Variants in BCAS4 observed in about 807,000 individuals in gnomAD.
BCAS4 encodes the protein breast carcinoma-amplified sequence 4.
In BCAS4, 9 loss-of-function variants were observed where a neutral mutation model predicts 15.7. The observed-to-expected ratio is 0.57, with a 90% CI of 0.34 to 1.00. The LOEUF is 1.00. BCAS4 is among the 50% of genes least tolerant of loss of function. BCAS4 has a pLI of 0.02. For missense variants in BCAS4, 225 were observed against 239.1 expected, an observed-to-expected ratio of 0.94 and a Z score of 0.39; for synonymous variants, 101 against 99.5, an observed-to-expected ratio of 1.02 and a Z score of -0.09.
At chr20:50,817,249 A>G (rs2088151262) in intron 1 of BCAS4, among the ~76,000 whole-genome samples, 1 of 152,068 alleles carries the variant, frequency 6.6e-6, no homozygotes, top group South Asian at 2.1e-4. Context: ...TGGACCCTTT[A>G]CATAACATAA....
At chr20:50,831,978 C>T (rs1454132656) in intron 3 of BCAS4, among the ~76,000 whole-genome samples, 1 of 152,202 alleles carries the variant, frequency 6.6e-6, no homozygotes, top group African/African-American at 2.4e-5. Flanking sequence ...TTTTATTCCA[C>T]ACGTTTGAAA....
At chr20:50,872,850 C>T (rs1432556566) in intron 4 of BCAS4, among the ~76,000 whole-genome samples, 1 of 152,224 alleles carries the variant, frequency 6.6e-6, no homozygotes, top group Non-Finnish European at 1.5e-5. Context: ...TGGAGCGGCA[C>T]CAGCCTCTGC....
At chr20:50,861,681 C>T (rs1358973514) in intron 4 of BCAS4, among the ~76,000 whole-genome samples, 1 of 152,090 alleles carries the variant, frequency 6.6e-6, no homozygotes, top group African/African-American at 2.4e-5. Context: ...CCCCAGCTCC[C>T]TTTCCCATCT....
At chr20:50,848,379 A>C (rs2088573135) in intron 4 of BCAS4, among the ~76,000 whole-genome samples, 1 of 152,186 alleles carries the variant, frequency 6.6e-6, no homozygotes, top group African/African-American at 2.4e-5. Context: ...TGGAGTCAGA[A>C]GAAAGAGCGC....
In BCAS4 at chr20:50,851,905, A is replaced by G. The variant is rs774254050; in HGVS notation, c.399+10005A>G. Among the ~76,000 whole-genome samples the G allele has an allele frequency of 4.6e-5, 7 of 152,204 alleles. No individual in the cohort carries two copies. Among genetic ancestry groups the G allele is most frequent in the East Asian group, 1.9e-4 (1 of 5,196 alleles). On this transcript the variant is annotated intron_variant, in intron 4 of 4. Coordinates refer to ENST00000371608, the MANE Select transcript of BCAS4 (RefSeq NM_198799.4). This position sits in a 1 kb window ranked among gnomAD's most constrained non-coding sequence, Gnocchi z 4.3. ...CCCTCGTTCATTGCCTGGCGGGCAC[A>G]TGGCCTCATCTGCATTTTCTCCTGT...
chr20:50,844,762 G>T (rs1328068892), intron 4 of BCAS4, among the ~76,000 whole-genome samples: 1 of 152,130 alleles, frequency 6.6e-6, no homozygotes, highest in Non-Finnish European at 1.5e-5. Flanking sequence ...CCCCCGGGGT[G>T]TGGCTGGGGC....
intron 2 of BCAS4, among the ~76,000 whole-genome samples, chr20:50,829,137 C>A (rs961193650): frequency 6.6e-6 from 1 of 152,224 alleles, no homozygotes. Flanking sequence ...CCTATTCCAA[C>A]GTTGCCTCAG....
At chr20:50,846,089 G>T (rs371882773) in intron 4 of BCAS4, among the ~76,000 whole-genome samples, 1 of 152,308 alleles carries the variant, frequency 6.6e-6, no homozygotes, top group East Asian at 1.9e-4. Context: ...GCCAGCCTGT[G>T]CCCCAGGCCC....
intron 1 of BCAS4, among the ~76,000 whole-genome samples, chr20:50,804,814 T>C (rs542584685): frequency 2.0e-5 from 3 of 152,320 alleles, no homozygotes; most frequent in African/African-American, 7.2e-5. Context: ...CTGTGTTGCT[T>C]TGGGGACCTG....
intron 1 of BCAS4, among the ~76,000 whole-genome samples, chr20:50,816,114 C>T (rs1214236374): frequency 1.5e-5 from 2 of 137,320 alleles, no homozygotes; most frequent in African/African-American, 5.3e-5. Flanking sequence ...CAACCTCCTC[C>T]TTCTGGGTTC....
chr20:50,843,374 G>A (rs188754338), intron 4 of BCAS4, among the ~76,000 whole-genome samples: 1 of 152,226 alleles, frequency 6.6e-6, no homozygotes, highest in African/African-American at 2.4e-5. Context: ...TTTAACAGGT[G>A]AGGAAATGAA....
intron 4 of BCAS4, among the ~76,000 whole-genome samples, chr20:50,864,390 A>G (rs1328244126): frequency 1.3e-5 from 2 of 152,012 alleles, no homozygotes; most frequent in African/African-American, 4.8e-5. Flanking sequence ...GTGATCATCA[A>G]GATAGAGTAA....
chr20:50,862,487 G>T (rs560527113), intron 4 of BCAS4, among the ~76,000 whole-genome samples: 3 of 152,026 alleles, frequency 2.0e-5, no homozygotes, highest in African/African-American at 7.3e-5. Context: ...GAGAGGGGTC[G>T]CAGGTGCATG....
At chr20:50,854,981 A>G (rs1166269946) in intron 4 of BCAS4, among the ~76,000 whole-genome samples, 1 of 152,164 alleles carries the variant, frequency 6.6e-6, no homozygotes. Context: ...TCATGCCAGG[A>G]GCACGCCGGT....
At chr20:50,811,079 C>A (rs138022063) in intron 1 of BCAS4, among the ~76,000 whole-genome samples, 2 of 152,048 alleles carry the variant, frequency 1.3e-5, no homozygotes, top group African/African-American at 2.4e-5. Context: ...AAAGGCCCTG[C>A]GGTGAGGCTG....
chr20:50,853,078 C>T (rs1287809459), intron 4 of BCAS4, among the ~76,000 whole-genome samples: 2 of 151,888 alleles, frequency 1.3e-5, no homozygotes, highest in Non-Finnish European at 2.9e-5. Flanking sequence ...GAGCCAAACA[C>T]ATGATGTTTT....
intron 4 of BCAS4, among the ~76,000 whole-genome samples, chr20:50,847,338 C>T (rs138268444): frequency 0.013 from 2,000 of 152,234 alleles, 66 homozygotes; most frequent in African/African-American, 0.046. Flanking sequence ...CCACCCACCT[C>T]GGCCTCCCAA....
At chr20:50,853,704 G>A (rs1600889961) in intron 4 of BCAS4, among the ~76,000 whole-genome samples, 1 of 92,908 alleles carries the variant, frequency 1.1e-5, no homozygotes, top group Non-Finnish European at 2.2e-5. Context: ...TGTACTGGGG[G>A]TGTTTTGTGT....
At chr20:50,805,336 A>G (rs990248465) in intron 1 of BCAS4, among the ~76,000 whole-genome samples, 1 of 152,216 alleles carries the variant, frequency 6.6e-6, no homozygotes, top group East Asian at 1.9e-4. Context: ...AAAAACACAG[A>G]TTGGCCAGAG....
Sources: allele counts gnomAD v4.1 joint callset (sites outside exome capture counted in the v4.1 genomes callset), GRCh38; gene constraint gnomAD v4.1.1; non-coding constraint Gnocchi (gnomAD v3.1); transcripts MANE v1.5; gene names NCBI Gene and HGNC (gene_info 2026-07-23, HGNC 2026-07-21).